SEL1L3: variants seen among roughly 807,000 people sequenced by gnomAD.
The protein encoded by SEL1L3 is SEL1L family member 3.
SEL1L3 carries 76 observed loss-of-function variants against 142.8 expected under a neutral mutation model. The ratio of observed to expected loss-of-function variants is 0.53; its 90% CI spans 0.44 to 0.64. SEL1L3 has a LOEUF of 0.64. Ranked by LOEUF, SEL1L3 falls within the 30% of genes least tolerant of loss-of-function variation. SEL1L3 has a pLI of 0.00. For synonymous variants in SEL1L3, 504 were observed against 519.6 expected, an observed-to-expected ratio of 0.97 and a Z score of 0.41; for missense variants, 1,262 against 1,381.7, an observed-to-expected ratio of 0.91 and a Z score of 1.37.
intron 2 of SEL1L3, among the ~76,000 whole-genome samples, chr4:25,844,841 A>G (rs956198572): frequency 6.6e-6 from 1 of 152,242 alleles, no homozygotes; most frequent in South Asian, 2.1e-4. Flanking sequence ...AGGGAGGCAC[A>G]CTGATCATCA....
At chr4:25,724,273 G>T in the SEL1L3 span, among the ~76,000 whole-genome samples, 1 of 151,974 alleles carries the variant, frequency 6.6e-6, no homozygotes, top group Non-Finnish European at 1.5e-5. Context: ...GCAGGAATTA[G>T]CCAGGCATGG....
chr4:25,808,276 C>A (rs1047408065), intron 9 of SEL1L3, among the ~76,000 whole-genome samples: 2 of 152,148 alleles, frequency 1.3e-5, no homozygotes, highest in African/African-American at 4.8e-5. Context: ...CATTTTCTTT[C>A]TTTCAGCGCC....
the SEL1L3 span, chr4:25,720,006 T>A: frequency 6.6e-6 from 1 of 152,214 alleles, no homozygotes; most frequent in Non-Finnish European, 1.5e-5. Flanking sequence ...TATGCTAATA[T>A]AATATTAATG....
chr4:25,733,677 C>G, the SEL1L3 span, among the ~76,000 whole-genome samples: 1 of 151,932 alleles, frequency 6.6e-6, no homozygotes, highest in Non-Finnish European at 1.5e-5. Context: ...CGCACCACCG[C>G]GCCCGGCTAA....
chr4:25,750,610 T>C (rs1717533019), intron 23 of SEL1L3, among the ~76,000 whole-genome samples: 1 of 152,178 alleles, frequency 6.6e-6, no homozygotes, highest in South Asian at 2.1e-4. Flanking sequence ...TGAAACACTC[T>C]TCAGGAGTGG....
chr4:25,758,872 T>C, intron 21 of SEL1L3, 69 bp downstream of exon 21: 1 of 1,495,606 alleles, frequency 6.7e-7, no homozygotes, highest in Middle Eastern at 1.8e-4. Context: ...AAGCTAACTT[T>C]AACCAAGAAG....
At chr4:25,741,970 G>A in the SEL1L3 span, among the ~76,000 whole-genome samples, 5 of 151,652 alleles carry the variant, frequency 3.3e-5, no homozygotes, top group African/African-American at 9.7e-5. Context: ...CACCATGCCC[G>A]GCTAATTTTT....
intron 11 of SEL1L3, among the ~76,000 whole-genome samples, chr4:25,791,826 T>C (rs1242425629): frequency 6.6e-6 from 1 of 151,472 alleles, no homozygotes; most frequent in Non-Finnish European, 1.5e-5. Context: ...GGCACGAGAA[T>C]CGCTTGAACC....
At chr4:25,786,222 C>T (rs748196838) in intron 13 of SEL1L3, among the ~76,000 whole-genome samples, 29 of 152,108 alleles carry the variant, frequency 1.9e-4, no homozygotes, top group Middle Eastern at 6.3e-3. Context: ...GCCCAATGCC[C>T]CCACACAGTC....
At chr4:25,854,771 C>T in intron 1 of SEL1L3, among the ~76,000 whole-genome samples, 1 of 152,128 alleles carries the variant, frequency 6.6e-6, no homozygotes, top group East Asian at 1.9e-4. Flanking sequence ...TGACATTTTG[C>T]TATTGTTTCT....
At chr4:25,785,524 A>G (rs1287290649) in intron 13 of SEL1L3, among the ~76,000 whole-genome samples, 4 of 152,248 alleles carry the variant, frequency 2.6e-5, no homozygotes, top group Non-Finnish European at 5.9e-5. Context: ...CAGGACCCCA[A>G]ATAAAACTGA....
chr4:25,761,875 T>A (rs1718399732), intron 20 of SEL1L3, among the ~76,000 whole-genome samples: 1 of 152,234 alleles, frequency 6.6e-6, no homozygotes, highest in Non-Finnish European at 1.5e-5. Flanking sequence ...ATCGGTGAGG[T>A]ATTAAATGGA....
chr4:25,812,162 T>TA (rs1337237455), intron 9 of SEL1L3, among the ~76,000 whole-genome samples: 2 of 152,186 alleles, frequency 1.3e-5, no homozygotes, highest in Non-Finnish European at 2.9e-5. Context: ...ATCCTTCTTC[T>TA]ATATGACCAC....
intron 6 of SEL1L3, among the ~76,000 whole-genome samples, chr4:25,828,032 TAAC>T (rs1715200987): frequency 6.6e-6 from 1 of 152,216 alleles, no homozygotes; most frequent in Non-Finnish European, 1.5e-5. Context: ...ACCTGTTATA[TAAC>T]AACACTCCTA....
At chr4:25,732,001 G>A in the SEL1L3 span, among the ~76,000 whole-genome samples, 4 of 152,290 alleles carry the variant, frequency 2.6e-5, no homozygotes, top group South Asian at 2.1e-4. Flanking sequence ...TTGAACTTGG[G>A]AAGTGGAGGT....
chr4:25,799,691 C>T (rs1257859016), intron 11 of SEL1L3, among the ~76,000 whole-genome samples: 1 of 152,106 alleles, frequency 6.6e-6, no homozygotes, highest in African/African-American at 2.4e-5. Flanking sequence ...TCCAAGATGA[C>T]TCCCCAGGTT....
intron 9 of SEL1L3, among the ~76,000 whole-genome samples, chr4:25,809,182 C>T (rs964535150): frequency 8.6e-5 from 13 of 150,964 alleles, no homozygotes; most frequent in South Asian, 2.1e-4. Flanking sequence ...CTTGCTCTGT[C>T]GCCCAGACTG....
chr4:25,802,713 C>G (rs1248425511), intron 10 of SEL1L3, among the ~76,000 whole-genome samples: 1 of 152,140 alleles, frequency 6.6e-6, no homozygotes, highest in East Asian at 1.9e-4. Flanking sequence ...TCCGGAGTAG[C>G]TGGGACTACA....
chr4:25,809,539 C>T (rs1577639337), intron 9 of SEL1L3, among the ~76,000 whole-genome samples: 1 of 152,136 alleles, frequency 6.6e-6, no homozygotes, highest in Admixed American at 6.5e-5. Flanking sequence ...CCGCATTGGC[C>T]TCCCAAAAGG....
Sources: gnomAD v4.1 joint callset for allele counts (sites outside exome capture counted in the v4.1 genomes callset) on GRCh38, gnomAD v4.1.1 for gene constraint, MANE v1.5 for transcripts, NCBI Gene and HGNC (gene_info 2026-07-23, HGNC 2026-07-21) for gene names.